Variants in ATRNL1 observed in about 807,000 individuals in gnomAD.
ATRNL1 encodes the protein attractin like 1.
Under a neutral mutation model 182.7 loss-of-function variants are expected in ATRNL1, and 95 were observed. That is an observed-to-expected ratio of 0.52 (90% CI 0.44 to 0.62). The LOEUF is 0.62. Ranked by LOEUF, ATRNL1 falls within the 20% of genes least tolerant of loss-of-function variation. ATRNL1 has a pLI of 0.00. For missense variants in ATRNL1, 1,471 were observed against 1,679.5 expected (o/e 0.88, Z 2.17); for synonymous variants, 576 against 568.3 (o/e 1.01, Z -0.19).
chr10:115,133,048 G>A (rs1342419445), intron 5 of ATRNL1, among the ~76,000 whole-genome samples: 2 of 151,968 alleles, frequency 1.3e-5, no homozygotes, highest in African/African-American at 4.8e-5. Context: ...TTTCTTCTAG[G>A]GTTTTTATGG....
intron 22 of ATRNL1, among the ~76,000 whole-genome samples, chr10:115,462,734 G>C (rs1181951378): frequency 1.3e-5 from 2 of 152,086 alleles, no homozygotes; most frequent in Non-Finnish European, 2.9e-5. Flanking sequence ...TAGTTTATCT[G>C]AGTTATATGA....
chr10:115,268,076 T>G (rs1193543229), intron 12 of ATRNL1, among the ~76,000 whole-genome samples: 1 of 152,058 alleles, frequency 6.6e-6, no homozygotes, highest in African/African-American at 2.4e-5. Flanking sequence ...TGTGTGAATT[T>G]AAAATGTCTG....
intron 1 of ATRNL1, among the ~76,000 whole-genome samples, chr10:115,108,496 T>A (rs1489349604): frequency 6.6e-6 from 1 of 152,194 alleles, no homozygotes; most frequent in Non-Finnish European, 1.5e-5. Context: ...GAGGAGGCAG[T>A]GTCTGATTTC....
At chr10:115,325,708 G>A (rs1367145963) in intron 18 of ATRNL1, among the ~76,000 whole-genome samples, 2 of 152,070 alleles carry the variant, frequency 1.3e-5, no homozygotes, top group Non-Finnish European at 2.9e-5. Flanking sequence ...GGGTTGAGTG[G>A]CATTTTGCTA....
intron 18 of ATRNL1, among the ~76,000 whole-genome samples, chr10:115,329,603 T>G (rs1855103649): frequency 1.3e-5 from 2 of 152,178 alleles, no homozygotes; most frequent in Admixed American, 1.3e-4. Flanking sequence ...TTCTATCCTC[T>G]TGTATTGATC....
intron 21 of ATRNL1, among the ~76,000 whole-genome samples, chr10:115,458,536 G>A (rs1847637009): frequency 6.6e-6 from 1 of 151,944 alleles, no homozygotes; most frequent in African/African-American, 2.4e-5. Flanking sequence ...TACTGATCTA[G>A]TATTTTCAAC....
chr10:115,747,898 G>A lies in ATRNL1; in HGVS notation c.3903+20543G>A, dbSNP rs139440457. Among the ~76,000 whole-genome samples the A allele has an allele frequency of 6.8e-3, 1,037 of 152,114 alleles. 14 individuals carry two copies. Among genetic ancestry groups the A allele is most frequent in the African/African-American group, 0.024 (977 of 41,526 alleles). On this transcript the variant is annotated intron_variant, in intron 27 of 28. Transcript: ENST00000355044. ...GCTGTATCCTCTTATGGTGAAAGATGCAAACACACTCCATTGGCCTTCTTT... is the reference window on the plus strand; with the variant it reads ...GCTGTATCCTCTTATGGTGAAAGATACAAACACACTCCATTGGCCTTCTTT...
chr10:115,348,711 G>T (rs1856092799), intron 19 of ATRNL1, among the ~76,000 whole-genome samples: 1 of 152,088 alleles, frequency 6.6e-6, no homozygotes, highest in Non-Finnish European at 1.5e-5. Context: ...CATTGTGTGG[G>T]TGCTATTATA....
chr10:115,316,777 A>C (rs1431384799), intron 18 of ATRNL1, among the ~76,000 whole-genome samples: 1 of 151,876 alleles, frequency 6.6e-6, no homozygotes, highest in Non-Finnish European at 1.5e-5. Context: ...TTTTTCTTGT[A>C]AATTTGTTTA....
chr10:115,798,119 G>C (rs567223672), intron 27 of ATRNL1, among the ~76,000 whole-genome samples: 3 of 152,004 alleles, frequency 2.0e-5, no homozygotes, highest in African/African-American at 7.2e-5. Flanking sequence ...GGGTTTCACC[G>C]TGTTAGCCAG....
At chr10:115,097,329 T>C (rs2085038581) in intron 1 of ATRNL1, among the ~76,000 whole-genome samples, 1 of 151,980 alleles carries the variant, frequency 6.6e-6, no homozygotes, top group Admixed American at 6.6e-5. Flanking sequence ...ACAAAAAATA[T>C]TTTAAAAGTA....
At chr10:115,369,926 A>G (rs1857300242) in intron 19 of ATRNL1, among the ~76,000 whole-genome samples, 1 of 152,170 alleles carries the variant, frequency 6.6e-6, no homozygotes, top group Non-Finnish European at 1.5e-5. Flanking sequence ...CCCCACCCAA[A>G]TCTCATCTTG....
At chr10:115,800,693 G>A (rs1339346548) in intron 27 of ATRNL1, among the ~76,000 whole-genome samples, 1 of 152,178 alleles carries the variant, frequency 6.6e-6, no homozygotes, top group Non-Finnish European at 1.5e-5. Context: ...GTATTAAGAA[G>A]TGGGGCTTCA....
chr10:115,139,414 G>A (rs782773110), intron 5 of ATRNL1, among the ~76,000 whole-genome samples: 20 of 152,280 alleles, frequency 1.3e-4, no homozygotes, highest in South Asian at 6.2e-4. Context: ...GAGATTTAAT[G>A]GACTTACAGT....
At chr10:115,792,967 G>C (rs1380129225) in intron 27 of ATRNL1, among the ~76,000 whole-genome samples, 1 of 151,918 alleles carries the variant, frequency 6.6e-6, no homozygotes, top group Non-Finnish European at 1.5e-5. Flanking sequence ...GTTATTGCCA[G>C]ATATTTAGAA....
chr10:115,471,982 G>A (rs1380589289), intron 24 of ATRNL1, among the ~76,000 whole-genome samples: 2 of 150,850 alleles, frequency 1.3e-5, no homozygotes, highest in Non-Finnish European at 3.0e-5. Flanking sequence ...ATAATTACAG[G>A]TCTTATATTT....
chr10:115,613,841 C>T (rs1857289952), intron 26 of ATRNL1, among the ~76,000 whole-genome samples: 1 of 151,652 alleles, frequency 6.6e-6, no homozygotes, highest in Non-Finnish European at 1.5e-5. Context: ...GGTCTTTTTG[C>T]ATTTCTATGA....
chr10:115,926,994 G>A (rs539979957), intron 28 of ATRNL1, among the ~76,000 whole-genome samples: 21 of 152,196 alleles, frequency 1.4e-4, no homozygotes, highest in Middle Eastern at 3.4e-3. Context: ...TATCACTGAT[G>A]AACATCGATG....
chr10:115,719,484 G>C (rs1256461316), intron 26 of ATRNL1, among the ~76,000 whole-genome samples: 3 of 152,184 alleles, frequency 2.0e-5, no homozygotes, highest in African/African-American at 7.2e-5. Context: ...TGAGAAGTCA[G>C]CAAGCACACA....
Sources: gnomAD v4.1 joint callset for allele counts (sites outside exome capture counted in the v4.1 genomes callset) on GRCh38, gnomAD v4.1.1 for gene constraint, MANE v1.5 for transcripts, NCBI Gene and HGNC (gene_info 2026-07-23, HGNC 2026-07-21) for gene names.